The following SLC25A42 variants were observed in gnomAD, a reference collection of about 807,000 sequenced individuals.
SLC25A42 encodes the protein solute carrier family 25 member 42, also known as mitochondrial coenzyme A transporter SLC25A42.
In SLC25A42, 19 loss-of-function variants were observed where a neutral mutation model predicts 34.7. The observed-to-expected ratio is 0.55, with a 90% CI of 0.38 to 0.80. The LOEUF (loss-of-function observed/expected upper bound fraction) is 0.80, where lower values mean the gene tolerates loss of function less well. Ranked by LOEUF, SLC25A42 falls within the 30% of genes least tolerant of loss-of-function variation. The pLI, the probability that SLC25A42 is intolerant of heterozygous loss-of-function variation, is 0.00. For missense variants in SLC25A42, 364 were observed against 441.3 expected (o/e 0.82, Z 1.57); for synonymous variants, 205 against 191.2 (o/e 1.07, Z -0.59).
At chr19:19,094,005 A>G (rs550735986) in intron 1 of SLC25A42, among the ~76,000 whole-genome samples, 2 of 152,154 alleles carry the variant, frequency 1.3e-5, no homozygotes, top group African/African-American at 4.8e-5. Flanking sequence ...AGATGGGGTG[A>G]TGGATCTGGG....
At chr19:19,088,961 C>T (rs2059723626) in intron 1 of SLC25A42, among the ~76,000 whole-genome samples, 1 of 152,196 alleles carries the variant, frequency 6.6e-6, no homozygotes, top group South Asian at 2.1e-4. Flanking sequence ...GCATGCACCA[C>T]CACACCTGGC....
intron 1 of SLC25A42, among the ~76,000 whole-genome samples, chr19:19,070,220 C>T (rs1481799375): frequency 1.3e-5 from 2 of 151,458 alleles, no homozygotes; most frequent in Non-Finnish European, 2.9e-5. Context: ...TGGTCTCGAT[C>T]TCCTGACCTT....
chr19:19,089,240 T>C (rs959667353), intron 1 of SLC25A42, among the ~76,000 whole-genome samples: 1 of 152,092 alleles, frequency 6.6e-6, no homozygotes, highest in African/African-American at 2.4e-5. Flanking sequence ...TTAAAACAGA[T>C]TCCAGGGCTG....
intron 1 of SLC25A42, among the ~76,000 whole-genome samples, chr19:19,069,650 C>T (rs1599662748): frequency 6.6e-6 from 1 of 152,100 alleles, no homozygotes; most frequent in East Asian, 1.9e-4. Flanking sequence ...GTCTTTGTGT[C>T]CTCTATTTTT....
intron 4 of SLC25A42, 142 bp downstream of exon 4, chr19:19,105,080 C>A: frequency 1.9e-6 from 2 of 1,025,644 alleles, no homozygotes; most frequent in Non-Finnish European, 1.5e-6. Flanking sequence ...TCTGCCTGGA[C>A]ACAGCCCAGC....
intron 7 of SLC25A42, 68 bp from the exon 8 acceptor site, chr19:19,110,501 C>T: frequency 2.3e-6 from 3 of 1,325,718 alleles, no homozygotes; most frequent in Non-Finnish European, 2.9e-6. Context: ...TGCAAAGGCG[C>T]GCGCACGGGT....
At chr19:19,075,419 C>T (rs548604198) in intron 1 of SLC25A42, among the ~76,000 whole-genome samples, 5 of 152,346 alleles carry the variant, frequency 3.3e-5, no homozygotes, top group African/African-American at 1.2e-4. Context: ...AAAAGATACA[C>T]GTATGTTATT....
chr19:19,105,124 C>T (rs2059818995), intron 4 of SLC25A42, 186 bp downstream of exon 4: 3 of 696,568 alleles, frequency 4.3e-6, no homozygotes, highest in Admixed American at 2.6e-5. Context: ...AGTGTCCTTC[C>T]GGCAGTGGGG....
intron 3 of SLC25A42, among the ~76,000 whole-genome samples, chr19:19,103,514 GGAGACT>G (rs1046066603): frequency 6.6e-6 from 1 of 152,162 alleles, no homozygotes; most frequent in Admixed American, 6.5e-5. Context: ...TCACCTTCTT[GGAGACT>G]AGGGGTTAGA....
chr19:19,074,688 AGT>A (rs1225751311), intron 1 of SLC25A42, among the ~76,000 whole-genome samples: 1 of 151,680 alleles, frequency 6.6e-6, no homozygotes, highest in African/African-American at 2.4e-5. Flanking sequence ...TGTGTGTGAC[AGT>A]GTGTGTGAGA....
chr19:19,096,473 C>T (rs564416986), intron 2 of SLC25A42, among the ~76,000 whole-genome samples: 21 of 152,182 alleles, frequency 1.4e-4, no homozygotes, highest in Non-Finnish European at 2.1e-4. Flanking sequence ...GGATGGAGGA[C>T]GCCAGCCACC....
chr19:19,089,958 G>T (rs1174020935), intron 1 of SLC25A42, among the ~76,000 whole-genome samples: 2 of 152,260 alleles, frequency 1.3e-5, no homozygotes, highest in East Asian at 1.9e-4. Flanking sequence ...TCCACTGGGG[G>T]TCCCTGGAGG....
intron 1 of SLC25A42, among the ~76,000 whole-genome samples, chr19:19,083,020 C>T (rs1568511707): frequency 6.6e-6 from 1 of 151,894 alleles, no homozygotes; most frequent in Non-Finnish European, 1.5e-5. Flanking sequence ...TGAGGTTTCA[C>T]CATGTTGGCC....
intron 1 of SLC25A42, among the ~76,000 whole-genome samples, chr19:19,083,010 TG>T (rs1374138039): frequency 6.6e-6 from 1 of 151,412 alleles, no homozygotes; most frequent in Non-Finnish European, 1.5e-5. Context: ...TTAGGAGAGG[TG>T]AGGTTTCACC....
At chr19:19,073,900 GT>G (rs2059643333) in intron 1 of SLC25A42, among the ~76,000 whole-genome samples, 1 of 152,140 alleles carries the variant, frequency 6.6e-6, no homozygotes, top group South Asian at 2.1e-4. Context: ...TAGAGACAGG[GT>G]TTTACCATGT....
chr19:19,105,636 A>G lies in SLC25A42; in HGVS notation c.289A>G (p.Met97Val), dbSNP rs1409744970. The G allele has an allele frequency of 6.2e-7, 1 of 1,613,896 alleles. No homozygotes were observed. Among genetic ancestry groups the G allele is most frequent in the Non-Finnish European group, 8.5e-7 (1 of 1,179,940 alleles). Residue 97 changes from methionine (M) to valine (V), a missense_variant, in exon 5 of 8, where the codon ATG (methionine) becomes GTG (valine). By Grantham distance (21) the Met-to-Val change is conservative. Coordinates refer to ENST00000318596, the MANE Select transcript of SLC25A42 (RefSeq NM_178526.5). ...CTTGTGGCGCGGGAACTCGGCCACC[A>G]TGGTGCGCGTGGTGCCCTACGCCGC... is the stretch of plus-strand genomic sequence containing the variant. ...LSLWRGNSAT[M>V]VRVVPYAAIQ...
chr19:19,083,453 G>A (rs2059691149), intron 1 of SLC25A42, among the ~76,000 whole-genome samples: 2 of 152,244 alleles, frequency 1.3e-5, no homozygotes, highest in South Asian at 4.1e-4. Context: ...CATTATGGTG[G>A]TCCTTAAGGT....
intron 6 of SLC25A42, among the ~76,000 whole-genome samples, chr19:19,107,167 A>G (rs2059835492): frequency 6.6e-6 from 1 of 151,376 alleles, no homozygotes; most frequent in Admixed American, 6.6e-5. Flanking sequence ...AAACTGAAAT[A>G]TTAGCCTGAT....
chr19:19,089,233 A>G (rs1271688547), intron 1 of SLC25A42, among the ~76,000 whole-genome samples: 1 of 152,202 alleles, frequency 6.6e-6, no homozygotes, highest in African/African-American at 2.4e-5. Flanking sequence ...TTGAACTTTA[A>G]AACAGATTCC....
Sources: gnomAD v4.1 joint callset for allele counts (sites outside exome capture counted in the v4.1 genomes callset) on GRCh38, gnomAD v4.1.1 for gene constraint, MANE v1.5 for transcripts, NCBI Gene and HGNC (gene_info 2026-07-23, HGNC 2026-07-21) for gene names.